The following ADCY1 variants were observed in gnomAD, a reference collection of about 807,000 sequenced individuals.
ADCY1 encodes adenylate cyclase type 1.
Under a neutral mutation model 105.4 loss-of-function variants are expected in ADCY1, and 28 were observed. That is an observed-to-expected ratio of 0.27 (90% CI 0.20 to 0.36). The LOEUF (loss-of-function observed/expected upper bound fraction) is 0.36. Among genes scored for constraint, ADCY1 ranks in the 10% least tolerant of loss-of-function variants. The probability of loss-of-function intolerance (pLI) is 1.00; values close to 1 mark genes in which losing one functional copy is unlikely to be tolerated. For missense variants in ADCY1, 977 were observed against 1,434.2 expected (o/e 0.68, Z 5.15); for synonymous variants, 655 against 623.8 (o/e 1.05, Z -0.75).
intron 5 of ADCY1, among the ~76,000 whole-genome samples, chr7:45,650,347 C>T (rs1309585536): frequency 1.3e-5 from 2 of 152,140 alleles, no homozygotes; most frequent in Admixed American, 6.5e-5. Flanking sequence ...TATCACATCA[C>T]ATATCATATG....
intron 3 of ADCY1, among the ~76,000 whole-genome samples, chr7:45,616,203 C>T (rs1026020093): frequency 8.5e-5 from 13 of 152,136 alleles, no homozygotes; most frequent in African/African-American, 2.2e-4. Context: ...AACCCAACAA[C>T]GAAAAGTCCA....
At chr7:45,684,893 A>G in intron 11 of ADCY1, 86 bp from the exon 12 acceptor site, 2 of 1,230,716 alleles carry the variant, frequency 1.6e-6, no homozygotes, top group South Asian at 2.5e-5. Flanking sequence ...GGTCATCTGC[A>G]CATTCCACTA....
intron 3 of ADCY1, among the ~76,000 whole-genome samples, chr7:45,611,844 G>C (rs1793601759): frequency 6.6e-6 from 1 of 152,010 alleles, no homozygotes; most frequent in African/African-American, 2.4e-5. Flanking sequence ...GCTGTTTTTT[G>C]CTGGTTCTTC....
intron 1 of ADCY1, among the ~76,000 whole-genome samples, chr7:45,582,967 C>T (rs546104169): frequency 1.3e-5 from 2 of 152,334 alleles, no homozygotes; most frequent in South Asian, 4.1e-4. Flanking sequence ...GCAGGAACTG[C>T]TTTGATCTCC....
chr7:45,692,788 A>G (rs1784807962), intron 14 of ADCY1, among the ~76,000 whole-genome samples: 1 of 152,208 alleles, frequency 6.6e-6, no homozygotes. Flanking sequence ...ATAGGAAACC[A>G]TCACATTGCA....
rs764651241 is a variant in ADCY1 at position 45,592,794 on chromosome 7, C to T, written c.675C>T (p.Asn225=). Residue 225 remains asparagine (N), a synonymous_variant, in exon 2 of 20, where the codon AAC becomes AAT. Transcript: ENST00000297323. ...ATGCCTTGCTCTTCGTCGGTGTGAA[C>T]ATGTATGGGGTCTTTGTGCGGATTC... ...GANALLFVGV[N]MYGVFVRILT... 6 of 1,614,210 alleles carry T rather than the reference C, an allele frequency of 3.7e-6. No homozygotes were observed. In the South Asian group the frequency reaches 6.6e-5, roughly 18 times the overall value.
chr7:45,720,977 G>C lies in ADCY1; in HGVS notation c.*6982G>C, dbSNP rs1485110323. ...CACACAGCCCTGAGAGGCAGGACCA[G>C]GGTTCCATTCCTGCTCTATCCAGTT... On this transcript the variant is annotated 3_prime_UTR_variant, in exon 20 of 20. Coordinates refer to ENST00000297323, the MANE Select transcript of ADCY1 (RefSeq NM_021116.4). 6.6e-6 allele frequency: 1 copy of C among 152,234 alleles called. No homozygotes were observed. The highest frequency in any genetic ancestry group is 1.5e-5 in the Non-Finnish European group (1 of 68,068). 9.4% of individuals were successfully genotyped at this position (152,234 alleles called of 1,614,324 possible). A position where few individuals can be genotyped will look rare whatever the true frequency, so the allele number is the denominator to read the frequency against.
At chr7:45,644,889 A>G (rs1794619000) in intron 4 of ADCY1, among the ~76,000 whole-genome samples, 1 of 152,210 alleles carries the variant, frequency 6.6e-6, no homozygotes, top group Non-Finnish European at 1.5e-5. Context: ...ATTTGTCCTA[A>G]GCTGTCTCCA....
intron 3 of ADCY1, among the ~76,000 whole-genome samples, chr7:45,620,798 A>T (rs181291843): frequency 1.3e-5 from 2 of 152,350 alleles, no homozygotes; most frequent in East Asian, 3.9e-4. Flanking sequence ...AAAGGTTGAA[A>T]TAAAAATATA....
At chr7:45,659,196 T>G (rs1020519525) in intron 6 of ADCY1, among the ~76,000 whole-genome samples, 1 of 152,174 alleles carries the variant, frequency 6.6e-6, no homozygotes, top group Non-Finnish European at 1.5e-5. Context: ...CCTCACCCTC[T>G]CAGGATCCCA....
Position 45,575,295 on chromosome 7 carries a change from G to T in ADCY1, c.639+113G>T, listed in dbSNP as rs1417399137. On this transcript the variant is annotated intron_variant, in intron 1 of 19. Coordinates refer to ENST00000297323, the MANE Select transcript of ADCY1 (RefSeq NM_021116.4). The surrounding 1 kb of genome is among the most constrained non-coding windows in gnomAD (Gnocchi z 4.7). ...CTATGCGGCGGGTGGGGACACTGAGGCTCCGAGTGGGGGTGTGTTCAAGGT... is the reference window on the plus strand; with the variant it reads ...CTATGCGGCGGGTGGGGACACTGAGTCTCCGAGTGGGGGTGTGTTCAAGGT... 1 of 1,332,582 alleles carries T rather than the reference G, an allele frequency of 7.5e-7. No individual in the cohort carries two copies. The highest frequency in any genetic ancestry group is 1.0e-6 in the Non-Finnish European group (1 of 1,000,194). 82.5% of individuals were successfully genotyped at this position (1,332,582 alleles called of 1,614,324 possible).
At chr7:45,595,295 A>T (rs980409737) in intron 2 of ADCY1, among the ~76,000 whole-genome samples, 3 of 152,180 alleles carry the variant, frequency 2.0e-5, no homozygotes, top group African/African-American at 7.2e-5. Flanking sequence ...CCAGCCCTGT[A>T]GGTGGGAAAG....
At chr7:45,706,320 G>A (rs887642201) in intron 17 of ADCY1, among the ~76,000 whole-genome samples, 1 of 152,078 alleles carries the variant, frequency 6.6e-6, no homozygotes, top group African/African-American at 2.4e-5. Context: ...AATCAAGACA[G>A]CGTGGTATTG....
At chr7:45,698,164 T>TACACACACAC (rs72397514) in intron 14 of ADCY1, among the ~76,000 whole-genome samples, 1 of 147,618 alleles carries the variant, frequency 6.8e-6, no homozygotes, top group Admixed American at 6.8e-5. Flanking sequence ...CATACTCTCT[T>TACACACACAC]ACACACACAC....
intron 3 of ADCY1, among the ~76,000 whole-genome samples, chr7:45,610,839 T>G (rs61232298): frequency 1.7e-4 from 17 of 101,914 alleles, no homozygotes; most frequent in Admixed American, 3.8e-4. Context: ...AGTGGAGGTG[T>G]GGAGGCGATA....
Position 45,718,588 on chromosome 7 carries a change from AC to A in ADCY1, c.*4595del, listed in dbSNP as rs930774957. 3.9e-5 allele frequency: 6 copies of A among 152,308 alleles called. No individual in the cohort carries two copies. Among genetic ancestry groups the A allele is most frequent in the African/African-American group, 1.2e-4 (5 of 41,452 alleles). 9.4% of individuals were successfully genotyped at this position (152,308 alleles called of 1,614,324 possible). On this transcript the variant is annotated 3_prime_UTR_variant, in exon 20 of 20. Coordinates refer to ENST00000297323, the MANE Select transcript of ADCY1 (RefSeq NM_021116.4). ...CACAAATCATTCCATGCTCTTTGGC[AC>A]CAGGCAGGAGATGCTGCAGGCAGGT...
chr7:45,635,183 T>A (rs1238597679), intron 4 of ADCY1, among the ~76,000 whole-genome samples: 2 of 151,802 alleles, frequency 1.3e-5, no homozygotes, highest in Non-Finnish European at 2.9e-5. Flanking sequence ...TTCTTCATAG[T>A]ATTTCCTTGT....
intron 4 of ADCY1, among the ~76,000 whole-genome samples, chr7:45,645,939 A>G (rs1186701034): frequency 7.1e-6 from 1 of 140,134 alleles, no homozygotes; most frequent in African/African-American, 2.7e-5. Flanking sequence ...CTGATGTGTC[A>G]GGGCTATCAT....
intron 3 of ADCY1, among the ~76,000 whole-genome samples, chr7:45,619,456 T>C (rs572737223): frequency 4.6e-4 from 70 of 152,308 alleles, no homozygotes; most frequent in African/African-American, 1.4e-3. Context: ...TATACATATA[T>C]TGAAGTGTCA....
Sources: allele counts gnomAD v4.1 joint callset (sites outside exome capture counted in the v4.1 genomes callset), GRCh38; gene constraint gnomAD v4.1.1; non-coding constraint Gnocchi (gnomAD v3.1); transcripts MANE v1.5; gene names NCBI Gene and HGNC (gene_info 2026-07-23, HGNC 2026-07-21).